The following DPP6 variants were observed in gnomAD, a reference collection of about 807,000 sequenced individuals.
DPP6 encodes A-type potassium channel modulatory protein DPP6.
Under a neutral mutation model 122.6 loss-of-function variants are expected in DPP6, and 69 were observed. The observed-to-expected ratio is 0.56, with a 90% CI of 0.46 to 0.69. DPP6 has a LOEUF of 0.69. DPP6 is among the 30% of genes least tolerant of loss of function. The pLI, the probability that DPP6 is intolerant of heterozygous loss-of-function variation, is 0.00. For synonymous variants in DPP6, 418 were observed against 433.1 expected (o/e 0.97, Z 0.43); for missense variants, 928 against 1,116.9 (o/e 0.83, Z 2.41).
At chr7:154,206,615 G>A (rs1157220491) in intron 1 of DPP6, among the ~76,000 whole-genome samples, 2 of 152,048 alleles carry the variant, frequency 1.3e-5, no homozygotes, top group Admixed American at 6.5e-5. Context: ...CCAGATAATT[G>A]TAAGATTGTA....
At chr7:154,754,323 A>G (rs1283820143) in intron 8 of DPP6, among the ~76,000 whole-genome samples, 1 of 152,230 alleles carries the variant, frequency 6.6e-6, no homozygotes, top group East Asian at 1.9e-4. Context: ...TTGTGGCGAA[A>G]AAATTCTAAC....
chr7:153,824,353 C>G, the DPP6 span, among the ~76,000 whole-genome samples: 2 of 145,528 alleles, frequency 1.4e-5, no homozygotes, highest in African/African-American at 5.1e-5. Flanking sequence ...CACCACTGCA[C>G]TCCAGCCTGG....
At chr7:153,985,827 G>A (rs1796817067) in intron 1 of DPP6, among the ~76,000 whole-genome samples, 1 of 152,164 alleles carries the variant, frequency 6.6e-6, no homozygotes, top group African/African-American at 2.4e-5. Context: ...TCTGAAACAG[G>A]TGAAATTGAC....
At chr7:154,638,437 T>C (rs1403991730) in intron 6 of DPP6, among the ~76,000 whole-genome samples, 1 of 152,078 alleles carries the variant, frequency 6.6e-6, no homozygotes, top group African/African-American at 2.4e-5. Context: ...CAGCGGCGTG[T>C]TGTTCTTGTT....
At chr7:154,130,714 C>A (rs909859316) in intron 1 of DPP6, among the ~76,000 whole-genome samples, 1 of 151,994 alleles carries the variant, frequency 6.6e-6, no homozygotes, top group East Asian at 1.9e-4. Flanking sequence ...GAGGACAAAG[C>A]CTTCCAGCCT....
chr7:154,733,844 A>C (rs1293927014), intron 8 of DPP6, among the ~76,000 whole-genome samples: 1 of 152,250 alleles, frequency 6.6e-6, no homozygotes. Context: ...TCTAAATCCC[A>C]TGAAAGCAGA....
chr7:153,826,863 C>G, the DPP6 span, among the ~76,000 whole-genome samples: 1 of 151,620 alleles, frequency 6.6e-6, no homozygotes, highest in African/African-American at 2.4e-5. Context: ...TGCACACACA[C>G]ATATATATGC....
In DPP6 at chr7:154,481,240, A is replaced by G. The variant is rs1041322770; in HGVS notation, c.457+6203A>G. On this transcript the variant is annotated intron_variant, in intron 3 of 25. Coordinates refer to ENST00000377770, the MANE Select transcript of DPP6 (RefSeq NM_130797.4). The surrounding 1 kb of genome is among the most constrained non-coding windows in gnomAD (Gnocchi z 4.2). The stretch of plus-strand genomic sequence containing the variant: ...TCCTCACTTTGTACTCCCTGAGGGG[A>G]AATAATTCACCCCCACAATGTTAGG... 2.6e-5 allele frequency among the ~76,000 whole-genome samples: 4 copies of G among 152,090 alleles called. No homozygotes were observed. Among genetic ancestry groups the G allele is most frequent in the Non-Finnish European group, 5.9e-5 (4 of 68,030 alleles).
intron 1 of DPP6, among the ~76,000 whole-genome samples, chr7:154,349,335 C>T (rs1044161530): frequency 6.6e-6 from 1 of 152,190 alleles, no homozygotes; most frequent in Admixed American, 6.5e-5. Context: ...GCCACCACAC[C>T]TGGCTAATTT....
intron 6 of DPP6, among the ~76,000 whole-genome samples, chr7:154,654,419 T>TCCTTCCTTCCTTCCTTCCTTCTTTC (rs140077298): frequency 1.1e-5 from 1 of 89,170 alleles, no homozygotes; most frequent in Non-Finnish European, 2.5e-5. Context: ...CTTTCTTTCT[T>TCCTTCCTTCCTTCCTTCCTTCTTTC]TCTTTCTTTC....
intron 1 of DPP6, among the ~76,000 whole-genome samples, chr7:154,431,734 C>A (rs2151257264): frequency 6.6e-6 from 1 of 152,036 alleles, no homozygotes; most frequent in Non-Finnish European, 1.5e-5. Flanking sequence ...AGGGTTTCTC[C>A]ATGTTGGTCA....
intron 1 of DPP6, among the ~76,000 whole-genome samples, chr7:154,376,841 G>A (rs933316833): frequency 6.6e-6 from 1 of 152,118 alleles, no homozygotes; most frequent in Non-Finnish European, 1.5e-5. Context: ...GCTCCTAACT[G>A]GGGAATTTTT....
intron 1 of DPP6, among the ~76,000 whole-genome samples, chr7:154,336,509 T>C (rs1809437739): frequency 6.6e-6 from 1 of 152,158 alleles, no homozygotes; most frequent in Admixed American, 6.5e-5. Context: ...CCCGCAACAC[T>C]GGTACCATAG....
At chr7:154,788,837 CT>C (rs1413881898) in intron 10 of DPP6, among the ~76,000 whole-genome samples, 1 of 152,164 alleles carries the variant, frequency 6.6e-6, no homozygotes, top group African/African-American at 2.4e-5. Context: ...GAAGGCTCAT[CT>C]TCTTCTTTAC....
At chr7:154,325,369 T>C (rs1808359187) in intron 1 of DPP6, among the ~76,000 whole-genome samples, 1 of 152,196 alleles carries the variant, frequency 6.6e-6, no homozygotes, top group Non-Finnish European at 1.5e-5. Context: ...AACCCCTTAA[T>C]GACAAAAAAT....
At chr7:154,206,370 A>C (rs1244198952) in intron 1 of DPP6, among the ~76,000 whole-genome samples, 2 of 152,188 alleles carry the variant, frequency 1.3e-5, no homozygotes, top group African/African-American at 4.8e-5. Context: ...GTCCCATAGC[A>C]CAGGCAGCAC....
At chr7:154,750,658 A>G (rs1228968562) in intron 8 of DPP6, among the ~76,000 whole-genome samples, 1 of 152,190 alleles carries the variant, frequency 6.6e-6, no homozygotes, top group African/African-American at 2.4e-5. Context: ...CACACCAGCC[A>G]GTCTCCAGTA....
chr7:154,705,423 T>A (rs117239939), intron 7 of DPP6, among the ~76,000 whole-genome samples: 1 of 152,188 alleles, frequency 6.6e-6, no homozygotes, highest in Non-Finnish European at 1.5e-5. Flanking sequence ...TCTCGCTCTC[T>A]TCCAGTGCAA....
chr7:154,124,051 T>C (rs1807704133), intron 1 of DPP6, among the ~76,000 whole-genome samples: 1 of 151,692 alleles, frequency 6.6e-6, no homozygotes. Context: ...GGGGCTTACC[T>C]GGGATAGATG....
Sources: allele counts gnomAD v4.1 joint callset (sites outside exome capture counted in the v4.1 genomes callset), GRCh38; gene constraint gnomAD v4.1.1; non-coding constraint Gnocchi (gnomAD v3.1); transcripts MANE v1.5; gene names NCBI Gene and HGNC (gene_info 2026-07-23, HGNC 2026-07-21).